KIAA0586: variants seen among roughly 807,000 people sequenced by gnomAD.
KIAA0586 encodes the protein KIAA0586.
KIAA0586 carries 144 observed loss-of-function variants against 169.8 expected under a neutral mutation model. The observed-to-expected ratio is 0.85, with a 90% confidence interval of 0.74 to 0.97. The LOEUF is 0.97. Among genes scored for constraint, KIAA0586 ranks in the 50% least tolerant of loss-of-function variants. The pLI, the probability that KIAA0586 is intolerant of heterozygous loss-of-function variation, is 0.00. For synonymous variants in KIAA0586, 625 were observed against 612.4 expected (o/e 1.02, Z -0.30); for missense variants, 1,854 against 1,823.0 (o/e 1.02, Z -0.31).
intron 21 of KIAA0586, among the ~76,000 whole-genome samples, chr14:58,484,934 T>A (rs1201507187): frequency 3.8e-3 from 66 of 17,298 alleles, no homozygotes; most frequent in Non-Finnish European, 7.2e-3. Context: ...ATTTTTTTTT[T>A]TTTTTTTTTT....
chr14:58,443,891 G>A (rs938529706), intron 5 of KIAA0586, 63 bp from the exon 6 acceptor site: 2 of 943,048 alleles, frequency 2.1e-6, no homozygotes, highest in South Asian at 1.6e-5. Context: ...AACATTTCTA[G>A]TAATTAGACA....
intron 15 of KIAA0586, among the ~76,000 whole-genome samples, chr14:58,467,457 G>A (rs770064796): frequency 2.6e-5 from 4 of 152,116 alleles, no homozygotes; most frequent in Non-Finnish European, 5.9e-5. Flanking sequence ...GAAAGTTTTT[G>A]ACATTTTAAA....
At chr14:58,547,707 T>A in intron 30 of KIAA0586, 74 bp from the exon 31 acceptor site, 1 of 1,224,156 alleles carries the variant, frequency 8.2e-7, no homozygotes, top group Non-Finnish European at 1.1e-6. Context: ...AACCTCATAT[T>A]ATTTCGCAAA....
rs1013150590 is a variant in KIAA0586, at chr14:58,427,723, T to C, written c.-542T>C. On this transcript the variant is annotated 5_prime_UTR_variant, in exon 1 of 31. Transcript: ENST00000652326. ...GTTGACCTGCGGGCAACTGACGCTG[T>C]TGTCAGATTACACCCACGACGGTGC... is the stretch of plus-strand genomic sequence containing the variant. 5 of 1,534,666 alleles carry C rather than the reference T, an allele frequency of 3.3e-6. No homozygotes were observed. In the Admixed American group the frequency reaches 7.9e-5, roughly 24 times the overall value.
intron 4 of KIAA0586, among the ~76,000 whole-genome samples, chr14:58,438,279 A>G (rs1332911862): frequency 2.6e-5 from 4 of 152,332 alleles, no homozygotes; most frequent in African/African-American, 9.6e-5. Context: ...ATAATTGGAA[A>G]AAATAAAATT....
the KIAA0586 span, among the ~76,000 whole-genome samples, chr14:58,557,901 C>CTTTTTTTTTTTTTTT: frequency 4.8e-3 from 202 of 42,508 alleles, 54 homozygotes; most frequent in African/African-American, 0.018. Context: ...CCTGAGAAAT[C>CTTTTTTTTTTTTTTT]TTTTTTTTTT....
Position 58,477,214 on chromosome 14 carries a change from A to T in KIAA0586, c.2917A>T (p.Thr973Ser). 1 of 1,564,838 alleles carries T rather than the reference A, an allele frequency of 6.4e-7. No homozygotes were observed. Among genetic ancestry groups the T allele is most frequent in the Non-Finnish European group, 8.7e-7 (1 of 1,148,438 alleles). ...TAGTATCAGTGTTTCAGTCAGTGAG[A>T]CAAGTGAACCACTGACTTCTGACAT... is the stretch of plus-strand genomic sequence containing the variant. ...APSISVSVSE[T>S]SEPLTSDIVE... Residue 973 changes from threonine to serine, a missense_variant, in exon 20 of 31, where the codon ACA becomes TCA. Physicochemically the swap from Thr to Ser is moderately conservative, Grantham distance 58. Transcript: ENST00000652326.
chr14:58,484,099 TA>T (rs2042212198), intron 21 of KIAA0586, among the ~76,000 whole-genome samples: 1 of 152,146 alleles, frequency 6.6e-6, no homozygotes, highest in African/African-American at 2.4e-5. Flanking sequence ...AAAACCAGTG[TA>T]AAGAGCTTGG....
intron 30 of KIAA0586, among the ~76,000 whole-genome samples, chr14:58,544,279 T>C (rs1309857521): frequency 6.6e-6 from 1 of 152,154 alleles, no homozygotes; most frequent in African/African-American, 2.4e-5. Flanking sequence ...TCCATGGGCA[T>C]TTAGGTTGAT....
At chr14:58,434,389 A>C (rs2037636533) in intron 4 of KIAA0586, among the ~76,000 whole-genome samples, 1 of 152,248 alleles carries the variant, frequency 6.6e-6, no homozygotes, top group Non-Finnish European at 1.5e-5. Flanking sequence ...AAAACCTTCA[A>C]AGAGCAATCT....
chr14:58,502,828 C>T (rs2043669044), intron 27 of KIAA0586, among the ~76,000 whole-genome samples: 1 of 152,100 alleles, frequency 6.6e-6, no homozygotes, highest in African/African-American at 2.4e-5. Flanking sequence ...TCCTGGTGAC[C>T]ACAGACTATA....
At position 58,488,642 on chromosome 14, in the gene KIAA0586, T is replaced by C. The variant is rs1250115519; in HGVS notation, c.3549T>C (p.Asp1183=). ...PRAIVMSVAK[D]EEPESMDFPA... The stretch of plus-strand genomic sequence containing the variant: ...TTAGTGTAATGTCTGTGGCTAAGGA[T>C]GAAGAACCAGAGAGTATGGATTTCC... The change falls in exon 24 of 31, where the codon GAT becomes GAC. Residue 1183 remains aspartate, a synonymous_variant. Transcript: ENST00000652326. 2.5e-6 allele frequency: 4 copies of C among 1,613,910 alleles called. No individual in the cohort carries two copies. The highest frequency in any genetic ancestry group is 1.3e-5 in the African/African-American group (1 of 75,030).
intron 29 of KIAA0586, among the ~76,000 whole-genome samples, chr14:58,538,341 G>A (rs2046428893): frequency 6.6e-6 from 1 of 152,058 alleles, no homozygotes; most frequent in South Asian, 2.1e-4. Context: ...GTATTGCCCA[G>A]CATAATGAAA....
chr14:58,459,793 C>T (rs1397570839), intron 12 of KIAA0586, 50 bp from the exon 13 acceptor site: 1 of 992,732 alleles, frequency 1.0e-6, no homozygotes, highest in South Asian at 1.7e-5. Context: ...GATGTGAAAG[C>T]ATTACTATTT....
Position 58,428,475 on chromosome 14 carries a change from C to G in KIAA0586, c.199+12C>G, listed in dbSNP as rs1277224958. The G allele has an allele frequency of 7.6e-6, 12 of 1,574,578 alleles. No homozygotes were observed. In the Admixed American group the frequency reaches 2.0e-4, roughly 27 times the overall value. On this transcript the variant is annotated intron_variant, in intron 1 of 30. Coordinates refer to ENST00000652326, the MANE Select transcript of KIAA0586 (RefSeq NM_001329943.3). Reference sequence around the variant, plus strand: ...TGGAACATCACGTGGTATGTGATTCCATGTAGTTTTTCAACCAGTTTTAGT... The same window carrying G: ...TGGAACATCACGTGGTATGTGATTCGATGTAGTTTTTCAACCAGTTTTAGT...
At chr14:58,495,304 A>G (rs191711361) in intron 26 of KIAA0586, among the ~76,000 whole-genome samples, 213 of 151,846 alleles carry the variant, frequency 1.4e-3, no homozygotes, top group East Asian at 4.6e-3. Flanking sequence ...ATATATATAT[A>G]TGTGTGTGAA....
chr14:58,526,467 G>T (rs890531380), intron 29 of KIAA0586, among the ~76,000 whole-genome samples: 4 of 152,190 alleles, frequency 2.6e-5, no homozygotes, highest in Non-Finnish European at 5.9e-5. Context: ...CAGCAGAGGG[G>T]CGTGAATGGT....
upstream of KIAA0586, chr14:58,427,476 C>A: frequency 1.1e-6 from 1 of 945,106 alleles, no homozygotes; most frequent in Non-Finnish European, 1.6e-6. Context: ...AAGTCGGGAG[C>A]TCTTCAAGTC....
At chr14:58,428,904 A>G (rs2037114862) in intron 1 of KIAA0586, among the ~76,000 whole-genome samples, 1 of 152,164 alleles carries the variant, frequency 6.6e-6, no homozygotes, top group Admixed American at 6.5e-5. Flanking sequence ...AGCTCAGTGA[A>G]AATAAGGATA....
Sources: gnomAD v4.1 joint callset for allele counts (sites outside exome capture counted in the v4.1 genomes callset) on GRCh38, gnomAD v4.1.1 for gene constraint, MANE v1.5 for transcripts, NCBI Gene and HGNC (gene_info 2026-07-23, HGNC 2026-07-21) for gene names.